The following NR3C1 variants were observed in gnomAD, a reference collection of about 807,000 sequenced individuals.
NR3C1 encodes nuclear receptor subfamily 3 group C member 1.
NR3C1 carries 14 observed loss-of-function variants against 74.0 expected under a neutral mutation model. That is an observed-to-expected ratio of 0.19 (90% CI 0.12 to 0.30). The LOEUF (loss-of-function observed/expected upper bound fraction) is 0.30, where lower values mean the gene tolerates loss of function less well. Ranked by LOEUF, NR3C1 falls within the 10% of genes least tolerant of loss-of-function variation. The probability of loss-of-function intolerance (pLI) is 1.00; values close to 1 mark genes in which losing one functional copy is unlikely to be tolerated. For missense variants in NR3C1, 695 were observed against 909.8 expected (o/e 0.76, Z 3.04); for synonymous variants, 308 against 332.5 (o/e 0.93, Z 0.80).
chr5:143,422,918 C>T (rs1399450840), intron 1 of NR3C1, among the ~76,000 whole-genome samples: 4 of 152,158 alleles, frequency 2.6e-5, no homozygotes, highest in Non-Finnish European at 5.9e-5. Context: ...CTTACTTTCT[C>T]ACCTGGCCTT....
At chr5:143,330,178 G>T (rs949869061) in intron 2 of NR3C1, among the ~76,000 whole-genome samples, 1 of 152,118 alleles carries the variant, frequency 6.6e-6, no homozygotes, top group African/African-American at 2.4e-5. Context: ...TAACATTTTA[G>T]AAACTGTATG....
At chr5:143,347,297 C>G (rs1240711854) in intron 2 of NR3C1, among the ~76,000 whole-genome samples, 1 of 152,120 alleles carries the variant, frequency 6.6e-6, no homozygotes, top group Non-Finnish European at 1.5e-5. Context: ...TTTGTAAGAA[C>G]TGAAATTGGC....
At chr5:143,373,175 T>G (rs1283320968) in intron 2 of NR3C1, among the ~76,000 whole-genome samples, 1 of 152,176 alleles carries the variant, frequency 6.6e-6, no homozygotes, top group Non-Finnish European at 1.5e-5. Flanking sequence ...AAGTTGTAGA[T>G]GTGTATGCCT....
chr5:143,319,944 G>A (rs187493806), intron 2 of NR3C1, among the ~76,000 whole-genome samples: 2 of 152,294 alleles, frequency 1.3e-5, no homozygotes, highest in Admixed American at 1.3e-4. Context: ...GCCAAGCCAT[G>A]GACTATACGG....
At position 143,279,445 on chromosome 5, in the gene NR3C1, T is replaced by C. The variant is rs1398615644; in HGVS notation, c.*2444A>G. On this transcript the variant is annotated 3_prime_UTR_variant, in exon 9 of 9. Coordinates refer to ENST00000394464, the MANE Select transcript of NR3C1 (RefSeq NM_000176.3). ...GAATGATAATCTACGTTTTAGAAGC[T>C]CTTTTTGAAACTTAACACTGTCATT... 2 of 1,494,824 alleles carry C rather than the reference T, an allele frequency of 1.3e-6. No individual in the cohort carries two copies. The highest frequency in any genetic ancestry group is 8.9e-7 in the Non-Finnish European group (1 of 1,128,862). 92.6% of individuals were successfully genotyped at this position (1,494,824 alleles called of 1,614,324 possible).
chr5:143,397,705 G>C (rs1044140915), intron 2 of NR3C1, among the ~76,000 whole-genome samples: 3 of 151,768 alleles, frequency 2.0e-5, no homozygotes, highest in African/African-American at 2.4e-5. Flanking sequence ...AACTTCTAAA[G>C]AGCCGCATCA....
intron 2 of NR3C1, among the ~76,000 whole-genome samples, chr5:143,381,472 C>T (rs576693062): frequency 6.6e-6 from 1 of 151,976 alleles, no homozygotes; most frequent in South Asian, 2.1e-4. Context: ...CCACAAAAGC[C>T]CCGGAATAGC....
At chr5:143,284,948 C>CTTTAA (rs1814013198) in intron 7 of NR3C1, among the ~76,000 whole-genome samples, 1 of 152,000 alleles carries the variant, frequency 6.6e-6, no homozygotes, top group South Asian at 2.1e-4. Context: ...GCTAAAGCAG[C>CTTTAA]TTTAATTTAT....
intron 5 of NR3C1, 122 bp from the exon 6 acceptor site, chr5:143,298,934 G>A (rs1305710732): frequency 1.1e-6 from 1 of 902,886 alleles, no homozygotes; most frequent in African/African-American, 1.7e-5. Flanking sequence ...AACAGAAAAT[G>A]GAAATTAAAT....
At chr5:143,350,348 C>T (rs141971814) in intron 2 of NR3C1, among the ~76,000 whole-genome samples, 5 of 151,912 alleles carry the variant, frequency 3.3e-5, no homozygotes, top group Non-Finnish European at 7.4e-5. Flanking sequence ...GAAGGGTTTG[C>T]GAGGTATTTA....
chr5:143,305,677 C>CTTA lies in NR3C1; in HGVS notation c.1468+4419_1468+4420insTAA, dbSNP rs1819439757. On this transcript the variant is annotated intron_variant, in intron 4 of 8. Coordinates refer to ENST00000394464, the MANE Select transcript of NR3C1 (RefSeq NM_000176.3). ...CCATGTTCTCATTTATAAATGGGAG[C>CTTA]TAAACATTGAGTACACATAGACATA... Among the ~76,000 whole-genome samples the CTTA allele has an allele frequency of 5.9e-5, 9 of 152,036 alleles. No homozygotes were observed. In the South Asian group the frequency reaches 1.9e-3, roughly 32 times the overall value.
intron 2 of NR3C1, among the ~76,000 whole-genome samples, chr5:143,384,681 G>C (rs1180009645): frequency 6.6e-6 from 1 of 152,184 alleles, no homozygotes; most frequent in Non-Finnish European, 1.5e-5. Flanking sequence ...CTGACACAAG[G>C]GGTGAGCTCC....
Position 143,292,323 on chromosome 5 carries a change from A to G in NR3C1, c.2023+3137T>C, listed in dbSNP as rs76620940. On this transcript the variant is annotated intron_variant, in intron 7 of 8. Transcript: ENST00000394464. Reference sequence around the variant, plus strand: ...GTAAGGTGTTGGGGAGGGGGAGGGGAATTGTTTTTTAATCTTTATGATTAA... The same window carrying G: ...GTAAGGTGTTGGGGAGGGGGAGGGGGATTGTTTTTTAATCTTTATGATTAA... Among the ~76,000 whole-genome samples, 625 of 151,686 alleles carry G rather than the reference A, an allele frequency of 4.1e-3. 2 individuals are homozygous for G. The highest frequency in any genetic ancestry group is 0.014 in the African/African-American group (598 of 41,324).
intron 2 of NR3C1, among the ~76,000 whole-genome samples, chr5:143,318,670 A>G (rs1485692970): frequency 6.6e-6 from 1 of 152,144 alleles, no homozygotes; most frequent in East Asian, 1.9e-4. Flanking sequence ...TTTTGGGAAA[A>G]CATCGCCAAA....
At chr5:143,378,740 A>G (rs115355277) in intron 2 of NR3C1, among the ~76,000 whole-genome samples, 256 of 152,330 alleles carry the variant, frequency 1.7e-3, no homozygotes, top group African/African-American at 5.8e-3. Flanking sequence ...CCAATATGAC[A>G]ACTATGTTTA....
chr5:143,285,290 G>GA (rs1184019968), intron 7 of NR3C1, among the ~76,000 whole-genome samples: 1 of 152,074 alleles, frequency 6.6e-6, no homozygotes, highest in Non-Finnish European at 1.5e-5. Flanking sequence ...ATTAGTCCCA[G>GA]AAAAAAGGCT....
At chr5:143,355,665 A>G (rs1050250894) in intron 2 of NR3C1, among the ~76,000 whole-genome samples, 17 of 152,172 alleles carry the variant, frequency 1.1e-4, no homozygotes, top group Admixed American at 3.9e-4. Context: ...AGCCAATTTG[A>G]GAAATTCCGT....
intron 2 of NR3C1, among the ~76,000 whole-genome samples, chr5:143,386,686 G>A (rs531667685): frequency 7.2e-4 from 109 of 152,270 alleles, no homozygotes; most frequent in African/African-American, 2.5e-3. Flanking sequence ...ACATTTTGGG[G>A]TATAATTTTA....
chr5:143,284,225 C>CAGTA (rs746074971), intron 7 of NR3C1, among the ~76,000 whole-genome samples: 39 of 152,188 alleles, frequency 2.6e-4, no homozygotes, highest in Non-Finnish European at 4.4e-4. Flanking sequence ...GGATTTCAGG[C>CAGTA]AGTAAGTCAC....
Sources: gnomAD v4.1 joint callset for allele counts (sites outside exome capture counted in the v4.1 genomes callset) on GRCh38, gnomAD v4.1.1 for gene constraint, MANE v1.5 for transcripts, NCBI Gene and HGNC (gene_info 2026-07-23, HGNC 2026-07-21) for gene names.